Variants in ST3GAL3 observed in about 807,000 individuals in gnomAD.
ST3GAL3 encodes the protein CMP-N-acetylneuraminate-beta-1,4-galactoside alpha-2,3-sialyltransferase.
Under a neutral mutation model 50.1 loss-of-function variants are expected in ST3GAL3, and 21 were observed. The observed-to-expected ratio is 0.42, with a 90% CI of 0.30 to 0.60. ST3GAL3 has a LOEUF of 0.60. Among genes scored for constraint, ST3GAL3 ranks in the 20% least tolerant of loss-of-function variants. The pLI is 0.19. For missense variants in ST3GAL3, 353 were observed against 489.4 expected (o/e 0.72, Z 2.63); for synonymous variants, 183 against 190.0 (o/e 0.96, Z 0.30).
chr1:43,856,286 A>G (rs1184091314), intron 5 of ST3GAL3, among the ~76,000 whole-genome samples: 1 of 152,228 alleles, frequency 6.6e-6, no homozygotes, highest in African/African-American at 2.4e-5. Flanking sequence ...GTGATAATGC[A>G]CTTTTATGGA....
At chr1:43,805,658 C>T (rs1317796593) in intron 3 of ST3GAL3, among the ~76,000 whole-genome samples, 1 of 152,212 alleles carries the variant, frequency 6.6e-6, no homozygotes, top group Non-Finnish European at 1.5e-5. Flanking sequence ...TGTATAATCA[C>T]AAACTGGAGA....
At chr1:43,812,878 T>TGC (rs60808899) in intron 3 of ST3GAL3, among the ~76,000 whole-genome samples, 40,506 of 151,184 alleles carry the variant, frequency 0.27, 6,082 homozygotes, top group Middle Eastern at 0.35. Context: ...AGTGTGTGCG[T>TGC]GTGTGTGTGT....
At chr1:43,865,077 C>T (rs867064460) in intron 5 of ST3GAL3, among the ~76,000 whole-genome samples, 20 of 149,868 alleles carry the variant, frequency 1.3e-4, no homozygotes, top group Middle Eastern at 3.5e-3. Context: ...AGTGCAGTGG[C>T]GCGATCTCGG....
chr1:43,862,278 G>A (rs1305539097), intron 5 of ST3GAL3, among the ~76,000 whole-genome samples: 1 of 152,202 alleles, frequency 6.6e-6, no homozygotes, highest in Non-Finnish European at 1.5e-5. Context: ...CCTCTGTGAA[G>A]CTTTTCCTGC....
chr1:43,764,901 C>A (rs114315772), intron 2 of ST3GAL3, among the ~76,000 whole-genome samples: 2 of 152,194 alleles, frequency 1.3e-5, no homozygotes, highest in African/African-American at 4.8e-5. Flanking sequence ...ACAGCTTCCA[C>A]CATAGTGCCC....
intron 5 of ST3GAL3, among the ~76,000 whole-genome samples, chr1:43,845,860 T>C (rs942281438): frequency 6.6e-6 from 1 of 152,200 alleles, no homozygotes; most frequent in Admixed American, 6.5e-5. Flanking sequence ...GTTAAAAATA[T>C]TATCTAACTT....
At position 43,876,251 on chromosome 1, in the gene ST3GAL3, A is replaced by G. The variant is rs2074100704; in HGVS notation, c.303-18132A>G. Among the ~76,000 whole-genome samples, 2 of 152,176 alleles carry G rather than the reference A, an allele frequency of 1.3e-5. 1 individual carries two copies. The highest frequency in any genetic ancestry group is 4.1e-4 in the South Asian group (2 of 4,820). ...AGTACTGGGATTACAGGCATGAGCC[A>G]CTGCGCCCAGCTTAGAATTTCTCTT... On this transcript the variant is annotated intron_variant, in intron 5 of 11. Transcript: ENST00000347631.
In ST3GAL3 at chr1:43,838,296, C is replaced by T. The variant is rs376537870; in HGVS notation, c.287C>T (p.Thr96Met). ...CCTGGCTATGCTTCAGCCTTGATGA[C>T]GGCCATCTTCCCCCGGTAAGTGCTC... Reference protein sequence around the residue: ...CKPGYASALMTAIFPRFSKPA... With the variant: ...CKPGYASALMMAIFPRFSKPA... The change falls in exon 5 of 12, where the codon ACG (threonine) becomes ATG (methionine). Residue 96 changes from threonine to methionine, a missense_variant. Physicochemically the swap from Thr to Met is moderately conservative, Grantham distance 81. Transcript: ENST00000347631. 5 of 1,613,480 alleles carry T rather than the reference C, an allele frequency of 3.1e-6. No homozygotes were observed. The highest frequency in any genetic ancestry group is 1.7e-5 in the Admixed American group (1 of 59,992).
At chr1:43,823,095 CA>C (rs1401668221) in intron 4 of ST3GAL3, among the ~76,000 whole-genome samples, 1 of 152,124 alleles carries the variant, frequency 6.6e-6, no homozygotes, top group Admixed American at 6.5e-5. Context: ...TCACTCTGTC[CA>C]AACCACCATC....
At chr1:43,890,773 A>G (rs944688791) in intron 5 of ST3GAL3, among the ~76,000 whole-genome samples, 1 of 152,066 alleles carries the variant, frequency 6.6e-6, no homozygotes, top group Non-Finnish European at 1.5e-5. Flanking sequence ...AGTCCTAGCT[A>G]CTCGGGAGGC....
chr1:43,744,946 G>A (rs6679484), intron 2 of ST3GAL3, among the ~76,000 whole-genome samples: 2 of 151,698 alleles, frequency 1.3e-5, no homozygotes, highest in Middle Eastern at 3.4e-3. Context: ...AGCCAAGATC[G>A]TGCCACTGCA....
chr1:43,825,230 T>C (rs959345656), intron 4 of ST3GAL3, among the ~76,000 whole-genome samples: 2 of 152,206 alleles, frequency 1.3e-5, no homozygotes, highest in African/African-American at 4.8e-5. Context: ...ATAACAATTA[T>C]GTTAGGGTAG....
intron 5 of ST3GAL3, among the ~76,000 whole-genome samples, chr1:43,856,457 A>G (rs976656970): frequency 7.2e-5 from 11 of 152,228 alleles, no homozygotes; most frequent in Non-Finnish European, 1.5e-4. Context: ...GCTCTGAACC[A>G]TGGACCTAGA....
intron 3 of ST3GAL3, among the ~76,000 whole-genome samples, chr1:43,805,995 A>G (rs1291291377): frequency 2.0e-5 from 3 of 152,160 alleles, no homozygotes; most frequent in South Asian, 2.1e-4. Context: ...TGGCCTCCCA[A>G]AGTGCTGGGA....
intron 2 of ST3GAL3, among the ~76,000 whole-genome samples, chr1:43,778,043 A>C (rs2154139024): frequency 6.6e-6 from 1 of 152,344 alleles, no homozygotes. Flanking sequence ...CCAATCAATG[A>C]TAGACTGGAT....
intron 3 of ST3GAL3, among the ~76,000 whole-genome samples, chr1:43,798,369 A>G (rs762605246): frequency 4.3e-4 from 65 of 152,192 alleles, no homozygotes; most frequent in Non-Finnish European, 7.5e-4. Flanking sequence ...GTGACCTTAC[A>G]GTACATTTAC....
chr1:43,825,536 AG>A (rs1469394050), intron 4 of ST3GAL3, among the ~76,000 whole-genome samples: 3 of 152,240 alleles, frequency 2.0e-5, no homozygotes, highest in African/African-American at 7.2e-5. Context: ...TAAAGATGTA[AG>A]ATTTGTCTTT....
chr1:43,748,306 A>T (rs185502358), intron 2 of ST3GAL3, among the ~76,000 whole-genome samples: 5 of 152,316 alleles, frequency 3.3e-5, no homozygotes, highest in Admixed American at 1.3e-4. Flanking sequence ...ACTGAAAACT[A>T]TAAAAATACT....
intron 1 of ST3GAL3, chr1:43,718,918 C>A (rs369662220): frequency 2.0e-5 from 3 of 152,194 alleles, no homozygotes; most frequent in Middle Eastern, 3.4e-3. Context: ...AAACCCCTGA[C>A]ATCAGGTGAT....
Sources: gnomAD v4.1 joint callset for allele counts (sites outside exome capture counted in the v4.1 genomes callset) on GRCh38, gnomAD v4.1.1 for gene constraint, MANE v1.5 for transcripts, NCBI Gene and HGNC (gene_info 2026-07-23, HGNC 2026-07-21) for gene names.